XRRA1: variants seen among roughly 807,000 people sequenced by gnomAD.
XRRA1 encodes X-ray radiation resistance-associated protein 1.
In XRRA1, 69 loss-of-function variants were observed where a neutral mutation model predicts 80.2. The observed-to-expected ratio is 0.86, with a 90% CI of 0.71 to 1.05. XRRA1 has a LOEUF of 1.05. XRRA1 is among the 50% of genes least tolerant of loss of function. The pLI, the probability that XRRA1 is intolerant of heterozygous loss-of-function variation, is 0.00. For synonymous variants in XRRA1, 348 were observed against 389.9 expected (o/e 0.89, Z 1.27); for missense variants, 967 against 976.4 (o/e 0.99, Z 0.13).
intron 15 of XRRA1, among the ~76,000 whole-genome samples, chr11:74,847,055 C>G (rs529875397): frequency 2.6e-5 from 4 of 151,864 alleles, no homozygotes; most frequent in Non-Finnish European, 5.9e-5. Context: ...GTTTGAGTGA[C>G]AGAATTACCC....
At chr11:74,882,743 C>T (rs1481181236) in intron 10 of XRRA1, among the ~76,000 whole-genome samples, 2 of 151,768 alleles carry the variant, frequency 1.3e-5, no homozygotes, top group Non-Finnish European at 3.0e-5. Flanking sequence ...GGACCCTCAG[C>T]TGCAGGTCTG....
At chr11:74,849,142 C>G (rs766679368) in intron 14 of XRRA1, among the ~76,000 whole-genome samples, 2 of 152,168 alleles carry the variant, frequency 1.3e-5, no homozygotes, top group African/African-American at 4.8e-5. Context: ...TTCTTTCTCC[C>G]CCTTTACATA....
At chr11:74,864,991 C>T (rs565934993) in intron 10 of XRRA1, among the ~76,000 whole-genome samples, 3 of 152,000 alleles carry the variant, frequency 2.0e-5, no homozygotes, top group Non-Finnish European at 4.4e-5. Flanking sequence ...GCTGGGCTTT[C>T]TAGCCTTTAC....
At chr11:74,915,432 T>C (rs1938311968) in intron 8 of XRRA1, among the ~76,000 whole-genome samples, 3 of 152,212 alleles carry the variant, frequency 2.0e-5, no homozygotes, top group Non-Finnish European at 2.9e-5. Flanking sequence ...AGTTGCCCTC[T>C]TTCCCTTGGT....
At chr11:74,920,093 G>A (rs1940234561) in intron 8 of XRRA1, 1 of 164,640 alleles carries the variant, frequency 6.1e-6, no homozygotes, top group African/African-American at 2.4e-5. Context: ...ACTAACAGAA[G>A]CTGCACACAT....
intron 5 of XRRA1, among the ~76,000 whole-genome samples, chr11:74,932,012 T>C (rs1943696029): frequency 6.6e-6 from 1 of 152,214 alleles, no homozygotes; most frequent in African/African-American, 2.4e-5. Context: ...CTATATTTAT[T>C]GGCCTTTCAA....
At chr11:74,907,087 AGT>A in intron 9 of XRRA1, 56 bp downstream of exon 9, 2 of 1,606,862 alleles carry the variant, frequency 1.2e-6, no homozygotes, top group Non-Finnish European at 1.7e-6. Flanking sequence ...CAGCACTCAG[AGT>A]GTGAGCAAGC....
intron 5 of XRRA1, among the ~76,000 whole-genome samples, chr11:74,931,131 C>CGTGTGTGTGTGTGT (rs61614618): frequency 7.4e-5 from 11 of 149,414 alleles, no homozygotes; most frequent in Non-Finnish European, 1.2e-4. Context: ...TATGCTTATA[C>CGTGTGTGTGTGTGT]GTGTGTGTGT....
rs2036506185 is a variant in XRRA1, at chr11:74,841,315, AGATTCTAGGGAAAGTGCT to A, written c.*1867_*1884del. On this transcript the variant is annotated 3_prime_UTR_variant, in exon 19 of 19. Coordinates refer to ENST00000684022, the MANE Select transcript of XRRA1 (RefSeq NM_001378157.1). ...GTCTGGGGCGGGGTGGTCAGGAGACAGATTCTAGGGAAAGTGCTGAAGAGATTTTCTTCTGAAGATGAT... is the reference window on the plus strand; with the variant it reads ...GTCTGGGGCGGGGTGGTCAGGAGACAGAAGAGATTTTCTTCTGAAGATGAT... The A allele has an allele frequency of 6.6e-6, 1 of 152,196 alleles. No individual in the cohort carries two copies. Among genetic ancestry groups the A allele is most frequent in the Non-Finnish European group, 1.5e-5 (1 of 68,038 alleles). 9.4% of individuals were successfully genotyped at this position (152,196 alleles called of 1,614,324 possible). A position where few individuals can be genotyped will look rare whatever the true frequency, so the allele number is the denominator to read the frequency against.
At chr11:74,907,084 C>CA in intron 9 of XRRA1, 61 bp downstream of exon 9, 1 of 1,605,678 alleles carries the variant, frequency 6.2e-7, no homozygotes, top group Non-Finnish European at 8.5e-7. Flanking sequence ...GAACAGCACT[C>CA]AGAGTGTGAG....
chr11:74,933,999 A>G, intron 4 of XRRA1, 127 bp from the exon 5 acceptor site: 2 of 744,092 alleles, frequency 2.7e-6, no homozygotes, highest in Non-Finnish European at 4.3e-6. Context: ...TCATTCATTC[A>G]TTCATTCATT....
chr11:74,906,336 G>A lies in XRRA1; in HGVS notation c.906C>T (p.Pro302=). ...NGGRGSPHKE[P]QFMLQSKPRM... is the part of the protein sequence containing the mutation. ...TTGGCTTGGACTGCAGCATGAATTGGGGCTCTTTATGGGGACTTCCCCTGC... is the reference window on the plus strand; with the variant it reads ...TTGGCTTGGACTGCAGCATGAATTGAGGCTCTTTATGGGGACTTCCCCTGC... The change falls in exon 10 of 19, where the codon CCC becomes CCT. Residue 302 remains proline (P), a synonymous_variant. Coordinates refer to ENST00000684022, the MANE Select transcript of XRRA1 (RefSeq NM_001378157.1). 6.2e-7 allele frequency: 1 copy of A among 1,613,938 alleles called. No individual in the cohort carries two copies. The highest frequency in any genetic ancestry group is 1.1e-5 in the South Asian group (1 of 91,082).
intron 4 of XRRA1, among the ~76,000 whole-genome samples, chr11:74,935,875 G>C (rs2139698131): frequency 6.6e-6 from 1 of 152,234 alleles, no homozygotes; most frequent in Non-Finnish European, 1.5e-5. Flanking sequence ...TAAGTATTTG[G>C]AAACAAGGGA....
intron 3 of XRRA1, among the ~76,000 whole-genome samples, chr11:74,940,384 T>A (rs1277377195): frequency 6.6e-6 from 1 of 152,028 alleles, no homozygotes; most frequent in Non-Finnish European, 1.5e-5. Context: ...CTGGAAGAAG[T>A]AGAAGAAGAG....
intron 11 of XRRA1, among the ~76,000 whole-genome samples, chr11:74,862,169 C>T (rs917541884): frequency 6.6e-6 from 1 of 152,286 alleles, no homozygotes; most frequent in Admixed American, 6.5e-5. Context: ...GAGAAGATGC[C>T]AAGCCATACC....
rs770664242 is a variant in XRRA1 at position 74,940,823 on chromosome 11, C to T, written c.56G>A (p.Cys19Tyr). 1 of 1,609,220 alleles carries T rather than the reference C, an allele frequency of 6.2e-7. No individual in the cohort carries two copies. ...GCGAAGCAGATTTCTGGCTGGGAAG[C>T]AGTTGTTCAGGTAAGGCTTCCCATC... The part of the protein sequence containing the change: ...LDDGKPYLNN[C>Y]FPARNLLRVP... Residue 19 changes from cysteine (C) to tyrosine (Y), a missense_variant, in exon 3 of 19, where the codon TGC becomes TAC. Cys to Tyr is a radical substitution (Grantham distance 194). Transcript: ENST00000684022.
chr11:74,904,209 T>C (rs562703658), intron 10 of XRRA1, among the ~76,000 whole-genome samples: 37 of 152,294 alleles, frequency 2.4e-4, no homozygotes, highest in African/African-American at 7.9e-4. Flanking sequence ...TAGGGTGGCA[T>C]AGATAGATGC....
chr11:74,866,941 C>T (rs2043582954), intron 10 of XRRA1, among the ~76,000 whole-genome samples: 1 of 152,106 alleles, frequency 6.6e-6, no homozygotes, highest in South Asian at 2.1e-4. Context: ...CAAAGAATAA[C>T]AGAAAACTTT....
chr11:74,910,465 G>A (rs1287657327), intron 8 of XRRA1, among the ~76,000 whole-genome samples: 1 of 152,140 alleles, frequency 6.6e-6, no homozygotes, highest in Non-Finnish European at 1.5e-5. Context: ...TCTACGTATA[G>A]AATGGGTCAA....
Sources: gnomAD v4.1 joint callset for allele counts (sites outside exome capture counted in the v4.1 genomes callset) on GRCh38, gnomAD v4.1.1 for gene constraint, MANE v1.5 for transcripts, NCBI Gene and HGNC (gene_info 2026-07-23, HGNC 2026-07-21) for gene names.